CFAP20DC: variants seen among roughly 807,000 people sequenced by gnomAD.
The protein encoded by CFAP20DC is protein CFAP20DC.
Under a neutral mutation model 101.7 loss-of-function variants are expected in CFAP20DC, and 84 were observed. The observed-to-expected ratio is 0.83, with a 90% CI of 0.69 to 0.99. The LOEUF (loss-of-function observed/expected upper bound fraction) is 0.99, where lower values mean the gene tolerates loss of function less well. CFAP20DC is among the 50% of genes least tolerant of loss of function. The probability of loss-of-function intolerance (pLI) is 0.00; values close to 1 mark genes in which losing one functional copy is unlikely to be tolerated. For synonymous variants in CFAP20DC, 359 were observed against 351.2 expected, an observed-to-expected ratio of 1.02 and a Z score of -0.25; for missense variants, 1,007 against 970.3, an observed-to-expected ratio of 1.04 and a Z score of -0.50.
intron 12 of CFAP20DC, chr3:58,862,262 A>G (rs2079313732): frequency 1.0e-6 from 1 of 985,242 alleles, no homozygotes; most frequent in African/African-American, 1.7e-5. Flanking sequence ...CATAAAATGA[A>G]CTGAATTAAT....
intron 4 of CFAP20DC, among the ~76,000 whole-genome samples, chr3:58,974,771 T>C (rs572571147): frequency 1.1e-4 from 16 of 152,222 alleles, no homozygotes; most frequent in South Asian, 6.2e-4. Flanking sequence ...ATAAATTCCA[T>C]GCCATTTGCA....
rs567108613 is a variant in CFAP20DC at position 59,008,718 on chromosome 3, G to A, written c.278+30839C>T. ...CACTTCGGGGACTGTTGTGGGGTGGGAGGAGGGGGGAGGGATAGCATTAGG... is the reference window on the plus strand; with the variant it reads ...CACTTCGGGGACTGTTGTGGGGTGGAAGGAGGGGGGAGGGATAGCATTAGG... On this transcript the variant is annotated intron_variant, in intron 4 of 16. Coordinates refer to ENST00000482387, the MANE Select transcript of CFAP20DC (RefSeq NM_001394063.1). Among the ~76,000 whole-genome samples the A allele has an allele frequency of 7.2e-5, 11 of 151,952 alleles. No individual in the cohort carries two copies. In the East Asian group the frequency reaches 1.7e-3, roughly 24 times the overall value.
chr3:58,923,618 A>T (rs865796540), intron 5 of CFAP20DC, among the ~76,000 whole-genome samples: 1 of 152,174 alleles, frequency 6.6e-6, no homozygotes, highest in African/African-American at 2.4e-5. Flanking sequence ...GTTTTCTGGC[A>T]TATAATGTAT....
chr3:58,855,290 C>T (rs1273787115), intron 12 of CFAP20DC, among the ~76,000 whole-genome samples: 3 of 152,140 alleles, frequency 2.0e-5, no homozygotes, highest in Non-Finnish European at 2.9e-5. Context: ...CAATGAGATA[C>T]CATCTCACCC....
chr3:58,858,933 A>G (rs1417641516), intron 12 of CFAP20DC, among the ~76,000 whole-genome samples: 2 of 152,220 alleles, frequency 1.3e-5, no homozygotes, highest in Non-Finnish European at 2.9e-5. Flanking sequence ...TAACAGAATG[A>G]AAAAAATAAT....
chr3:58,921,472 C>T lies in CFAP20DC; in HGVS notation c.394-7608G>A, dbSNP rs74849185. 0.013 allele frequency among the ~76,000 whole-genome samples: 2,049 copies of T among 151,882 alleles called. 90 individuals carry two copies. In the East Asian group the frequency reaches 0.15, roughly 11 times the overall value. On this transcript the variant is annotated intron_variant, in intron 5 of 16. Coordinates refer to ENST00000482387, the MANE Select transcript of CFAP20DC (RefSeq NM_001394063.1). ...CATTTAAAATCAGCTATACTGTTTT[C>T]TAATATTCTAATTTTTTTTTACATA...
Position 58,861,332 on chromosome 3 carries a change from C to A in CFAP20DC, c.1593+2226G>T. On this transcript the variant is annotated intron_variant, in intron 12 of 16. Transcript: ENST00000482387. This position sits in a 1 kb window ranked among gnomAD's most constrained non-coding sequence, Gnocchi z 4.0. Reference sequence around the variant, plus strand: ...TATTTACAACTTGACATTATGTTTTCCTGAAGTATAATTATACAAAGATAA... The same window carrying A: ...TATTTACAACTTGACATTATGTTTTACTGAAGTATAATTATACAAAGATAA... The A allele has an allele frequency of 1.4e-6, 1 of 738,546 alleles. No individual in the cohort carries two copies. The highest frequency in any genetic ancestry group is 1.7e-6 in the Non-Finnish European group (1 of 605,062). The allele number at this position is 738,546 out of a possible 1,614,324, so 45.7% of individuals were successfully genotyped here. A position where few individuals can be genotyped will look rare whatever the true frequency, so the allele number is the denominator to read the frequency against.
At chr3:58,873,158 T>C (rs1467283757) in intron 7 of CFAP20DC, among the ~76,000 whole-genome samples, 2 of 150,306 alleles carry the variant, frequency 1.3e-5, no homozygotes, top group Non-Finnish European at 3.0e-5. Context: ...ATAGCTATTC[T>C]GGATGCTGTA....
intron 13 of CFAP20DC, among the ~76,000 whole-genome samples, chr3:58,844,356 G>T (rs1260614066): frequency 5.1e-4 from 71 of 140,434 alleles, no homozygotes; most frequent in Middle Eastern, 3.6e-3. Context: ...GGCAGGGGTT[G>T]CAATCCTAGT....
intron 4 of CFAP20DC, chr3:58,953,826 C>G (rs138128543): frequency 6.6e-6 from 1 of 152,178 alleles, no homozygotes; most frequent in East Asian, 1.9e-4. Context: ...TGTAACCTAA[C>G]AAAGAAGAAA....
chr3:58,816,552 G>C (rs1347797621), intron 14 of CFAP20DC, among the ~76,000 whole-genome samples: 6 of 152,118 alleles, frequency 3.9e-5, no homozygotes, highest in South Asian at 2.1e-4. Context: ...AAAATCGGGT[G>C]ACTCCCACCC....
chr3:58,927,086 A>C (rs2086068551), intron 5 of CFAP20DC, among the ~76,000 whole-genome samples: 1 of 152,224 alleles, frequency 6.6e-6, no homozygotes, highest in Non-Finnish European at 1.5e-5. Context: ...AATTTTTAAA[A>C]TTGTTCTTGC....
At chr3:58,887,178 T>C (rs2081713467) in intron 6 of CFAP20DC, among the ~76,000 whole-genome samples, 1 of 152,216 alleles carries the variant, frequency 6.6e-6, no homozygotes, top group African/African-American at 2.4e-5. Context: ...AAATATTAGT[T>C]TTCAGATGTT....
rs1005284327 is a variant in CFAP20DC at position 59,047,165 on chromosome 3, T to C, written c.111A>G (p.Lys37=). 3.1e-5 allele frequency: 48 copies of C among 1,527,222 alleles called. No individual in the cohort carries two copies. Among genetic ancestry groups the C allele is most frequent in the Admixed American group, 1.4e-4 (7 of 50,842 alleles). 94.6% of individuals were successfully genotyped at this position (1,527,222 alleles called of 1,614,324 possible). Residue 37 remains lysine (K), a splice_region_variant and synonymous_variant, in exon 2 of 17, where the codon AAA becomes AAG. Transcript: ENST00000482387. Reference sequence around the variant, plus strand: ...TGTGGCTCTAATTTCTAATACTTACTTTCCAAATCACAGATGGACTACCAA... The same window carrying C: ...TGTGGCTCTAATTTCTAATACTTACCTTCCAAATCACAGATGGACTACCAA... ...KILGSPSVIW[K]EFDKEVKSFV...
At position 58,774,182 on chromosome 3, in the gene CFAP20DC, G is replaced by GA. The variant is rs200695609; in HGVS notation, c.2238-20320dup. 4.6e-3 allele frequency among the ~76,000 whole-genome samples: 703 copies of GA among 151,556 alleles called. 3 individuals carry two copies. Among genetic ancestry groups the GA allele is most frequent in the Middle Eastern group, 6.8e-3 (2 of 294 alleles). The stretch of plus-strand genomic sequence containing the variant: ...ATTGTCTGATTAATTACAGACACTT[G>GA]AAAAAAAATGCTATCAAGGCCTACA... On this transcript the variant is annotated intron_variant, in intron 15 of 16. Coordinates refer to ENST00000482387, the MANE Select transcript of CFAP20DC (RefSeq NM_001394063.1).
Position 58,867,835 on chromosome 3 carries a change from T to G in CFAP20DC, c.1117A>C (p.Arg373=). Residue 373 remains arginine, a synonymous_variant, in exon 10 of 17, where the codon AGG becomes CGG. Transcript: ENST00000482387. ...GCCATACCGCTGGGTGTCTCTGTCC[T>G]TTCTCTGCTGGTACTTTTTAACCGT... ...RLRLKSTSRE[R]TETPSGSSSG... is the part of the protein sequence containing the mutation. The G allele has an allele frequency of 2.5e-6, 4 of 1,613,670 alleles. No homozygotes were observed. Among genetic ancestry groups the G allele is most frequent in the Non-Finnish European group, 3.4e-6 (4 of 1,179,626 alleles).
intron 4 of CFAP20DC, among the ~76,000 whole-genome samples, chr3:59,027,542 T>C (rs553841048): frequency 3.3e-5 from 5 of 152,244 alleles, no homozygotes; most frequent in Admixed American, 2.0e-4. Flanking sequence ...GGCACAACAG[T>C]ACAAAATGTC....
At chr3:59,017,247 C>A (rs2093707409) in intron 4 of CFAP20DC, 1 of 152,132 alleles carries the variant, frequency 6.6e-6, no homozygotes, top group African/African-American at 2.4e-5. Flanking sequence ...TGAAGCAAAA[C>A]ACAGAAAAAC....
chr3:58,994,862 A>G (rs1461372577), intron 4 of CFAP20DC, among the ~76,000 whole-genome samples: 1 of 152,052 alleles, frequency 6.6e-6, no homozygotes, highest in African/African-American at 2.4e-5. Context: ...AGCAAAACCA[A>G]CAATTCCGGC....
Sources: gnomAD v4.1 joint callset for allele counts (sites outside exome capture counted in the v4.1 genomes callset) on GRCh38, gnomAD v4.1.1 for gene constraint, Gnocchi (gnomAD v3.1) non-coding constraint, MANE v1.5 for transcripts, NCBI Gene and HGNC (gene_info 2026-07-23, HGNC 2026-07-21) for gene names.